NCKAP5: variants seen among roughly 807,000 people sequenced by gnomAD.
NCKAP5 encodes the protein NCK associated protein 5.
A neutral mutation model predicts 167.0 loss-of-function variants in NCKAP5; 92 were observed. The observed-to-expected ratio is 0.55, with a 90% confidence interval of 0.47 to 0.66. The LOEUF is 0.66. NCKAP5 is among the 30% of genes least tolerant of loss of function. The pLI, the probability that NCKAP5 is intolerant of heterozygous loss-of-function variation, is 0.00. For missense variants in NCKAP5, 2,378 were observed against 2,315.0 expected (o/e 1.03, Z -0.56); for synonymous variants, 891 against 877.4 (o/e 1.02, Z -0.27).
At chr2:133,371,175 G>C (rs1461359932) in intron 3 of NCKAP5, among the ~76,000 whole-genome samples, 2 of 152,172 alleles carry the variant, frequency 1.3e-5, no homozygotes, top group East Asian at 3.8e-4. Flanking sequence ...AAATAACAGA[G>C]AATCTGCTGG....
intron 4 of NCKAP5, among the ~76,000 whole-genome samples, chr2:133,235,622 G>T (rs559003419): frequency 1.3e-5 from 2 of 151,996 alleles, no homozygotes; most frequent in African/African-American, 2.4e-5. Flanking sequence ...ACAAAATACA[G>T]GCTGGGCACA....
the NCKAP5 span, among the ~76,000 whole-genome samples, chr2:133,643,047 A>T: frequency 6.6e-6 from 1 of 151,958 alleles, no homozygotes; most frequent in South Asian, 2.1e-4. Flanking sequence ...ATCAGTTTAC[A>T]TGTCATCTGA....
At chr2:133,294,919 C>T (rs1185204720) in intron 4 of NCKAP5, among the ~76,000 whole-genome samples, 1 of 152,086 alleles carries the variant, frequency 6.6e-6, no homozygotes, top group African/African-American at 2.4e-5. Context: ...ACTATACATG[C>T]TTTAAAAATT....
intron 3 of NCKAP5, among the ~76,000 whole-genome samples, chr2:133,516,742 C>T (rs1048283096): frequency 2.6e-5 from 4 of 152,210 alleles, no homozygotes; most frequent in African/African-American, 4.8e-5. Context: ...AGGAACCAAG[C>T]TAAATCTCTA....
At chr2:133,532,591 T>C (rs1685452351) in intron 2 of NCKAP5, among the ~76,000 whole-genome samples, 1 of 152,306 alleles carries the variant, frequency 6.6e-6, no homozygotes, top group East Asian at 1.9e-4. Context: ...TACTGTTTCC[T>C]TTACACATTT....
intron 8 of NCKAP5, among the ~76,000 whole-genome samples, chr2:132,886,518 A>G (rs1187119600): frequency 2.0e-5 from 3 of 152,234 alleles, no homozygotes; most frequent in African/African-American, 7.2e-5. Context: ...TGTCTAGTCC[A>G]GGATCCAATC....
chr2:133,578,500 C>G, the NCKAP5 span, among the ~76,000 whole-genome samples: 1 of 152,188 alleles, frequency 6.6e-6, no homozygotes, highest in Non-Finnish European at 1.5e-5. Context: ...ACCCAAGGAC[C>G]CTTCTTCCCC....
intron 19 of NCKAP5, among the ~76,000 whole-genome samples, chr2:132,715,428 T>G (rs1408166346): frequency 6.6e-6 from 1 of 152,198 alleles, no homozygotes; most frequent in African/African-American, 2.4e-5. Flanking sequence ...TATAAAACTC[T>G]AAGGTCTCCA....
rs183199634 is a variant in NCKAP5, at chr2:133,388,366, A to G, written c.70-85256T>C. 1.3e-3 allele frequency among the ~76,000 whole-genome samples: 198 copies of G among 152,320 alleles called. 4 individuals are homozygous for G. Among genetic ancestry groups the G allele is most frequent in the Non-Finnish European group, 8.8e-5 (6 of 68,032 alleles). On this transcript the variant is annotated intron_variant, in intron 3 of 19. Coordinates refer to ENST00000409261, the MANE Select transcript of NCKAP5 (RefSeq NM_207363.3). ...GATGCAGAACAGCAAATATTGCTGAACAGCAAATGTTGCTGTCTGATCATT... is the reference window on the plus strand; with the variant it reads ...GATGCAGAACAGCAAATATTGCTGAGCAGCAAATGTTGCTGTCTGATCATT...
intron 4 of NCKAP5, among the ~76,000 whole-genome samples, chr2:133,294,461 A>G (rs1441431550): frequency 6.6e-6 from 1 of 152,146 alleles, no homozygotes. Flanking sequence ...TCTTACCTGT[A>G]TTTTACAACT....
chr2:133,360,776 T>C (rs964145685), intron 3 of NCKAP5, among the ~76,000 whole-genome samples: 19 of 151,888 alleles, frequency 1.3e-4, no homozygotes, highest in African/African-American at 4.6e-4. Flanking sequence ...TGAATGATCA[T>C]TTAGGGAGGA....
At chr2:132,755,615 G>T (rs1465479547) in intron 16 of NCKAP5, among the ~76,000 whole-genome samples, 1 of 151,984 alleles carries the variant, frequency 6.6e-6, no homozygotes, top group African/African-American at 2.4e-5. Context: ...CAGATCATGA[G>T]GTCAAGAGTT....
intron 3 of NCKAP5, among the ~76,000 whole-genome samples, chr2:133,394,617 T>G (rs1282864853): frequency 6.6e-6 from 1 of 152,218 alleles, no homozygotes; most frequent in Non-Finnish European, 1.5e-5. Flanking sequence ...TTGGAAATTA[T>G]CCAAATCTTG....
At chr2:133,238,879 G>A (rs2087547473) in intron 4 of NCKAP5, among the ~76,000 whole-genome samples, 1 of 152,118 alleles carries the variant, frequency 6.6e-6, no homozygotes, top group African/African-American at 2.4e-5. Context: ...AAAGCAAGAG[G>A]AATGAATGAA....
At chr2:133,454,736 C>T (rs374393373) in intron 3 of NCKAP5, among the ~76,000 whole-genome samples, 12 of 152,116 alleles carry the variant, frequency 7.9e-5, no homozygotes, top group East Asian at 5.8e-4. Flanking sequence ...ACAGGTTGTA[C>T]GGGCCTACAT....
intron 6 of NCKAP5, among the ~76,000 whole-genome samples, chr2:133,120,885 C>T (rs765568911): frequency 2.6e-5 from 4 of 152,134 alleles, no homozygotes; most frequent in Non-Finnish European, 4.4e-5. Context: ...TATGCTTAAC[C>T]TAAGTCTAGC....
At chr2:132,689,471 A>G (rs1249002426) in intron 19 of NCKAP5, among the ~76,000 whole-genome samples, 1 of 152,170 alleles carries the variant, frequency 6.6e-6, no homozygotes, top group East Asian at 1.9e-4. Flanking sequence ...TGTTACCACT[A>G]TTTTTAAGAA....
chr2:133,411,679 T>C (rs1688784302), intron 3 of NCKAP5, among the ~76,000 whole-genome samples: 1 of 152,090 alleles, frequency 6.6e-6, no homozygotes, highest in African/African-American at 2.4e-5. Context: ...TCTGCTCTGA[T>C]TGGGAGGGAG....
chr2:132,676,283 C>CTTTTTT (rs61213029), intron 19 of NCKAP5, among the ~76,000 whole-genome samples: 6 of 61,164 alleles, frequency 9.8e-5, no homozygotes, highest in Admixed American at 2.3e-4. Flanking sequence ...TTGTTTTATC[C>CTTTTTT]TTTTTTTTTT....
Sources: gnomAD v4.1 joint callset for allele counts (sites outside exome capture counted in the v4.1 genomes callset) on GRCh38, gnomAD v4.1.1 for gene constraint, MANE v1.5 for transcripts, NCBI Gene and HGNC (gene_info 2026-07-23, HGNC 2026-07-21) for gene names.